Variants in ARNT2 observed in about 807,000 individuals in gnomAD.
ARNT2 encodes ARNT protein 2.
In ARNT2, 36 loss-of-function variants were observed where a neutral mutation model predicts 91.7. The observed-to-expected ratio is 0.39, with a 90% CI of 0.30 to 0.52. The LOEUF (loss-of-function observed/expected upper bound fraction) is 0.52. Among genes scored for constraint, ARNT2 ranks in the 20% least tolerant of loss-of-function variants. ARNT2 has a pLI of 0.72. For missense variants in ARNT2, 775 were observed against 939.3 expected (o/e 0.83, Z 2.29); for synonymous variants, 365 against 347.1 (o/e 1.05, Z -0.57).
At chr15:80,425,523 T>C (rs1174596961) in intron 1 of ARNT2, among the ~76,000 whole-genome samples, 1 of 152,228 alleles carries the variant, frequency 6.6e-6, no homozygotes, top group Non-Finnish European at 1.5e-5. Flanking sequence ...TAGAAATATC[T>C]GAATGTGTAA....
chr15:80,495,359 C>T (rs1429614602), intron 5 of ARNT2, among the ~76,000 whole-genome samples: 1 of 152,236 alleles, frequency 6.6e-6, no homozygotes, highest in Non-Finnish European at 1.5e-5. Context: ...CATGGCTGGA[C>T]ACTCAGGTTC....
At chr15:80,589,266 A>T (rs2141487373) in intron 17 of ARNT2, among the ~76,000 whole-genome samples, 1 of 151,658 alleles carries the variant, frequency 6.6e-6, no homozygotes, top group African/African-American at 2.4e-5. Flanking sequence ...AAGAATGGGC[A>T]CTCTTCAAAT....
intron 5 of ARNT2, among the ~76,000 whole-genome samples, chr15:80,495,357 G>T (rs1897112385): frequency 6.6e-6 from 1 of 152,224 alleles, no homozygotes; most frequent in African/African-American, 2.4e-5. Context: ...GACATGGCTG[G>T]ACACTCAGGT....
intron 10 of ARNT2, among the ~76,000 whole-genome samples, chr15:80,553,071 C>A (rs1898113146): frequency 1.3e-5 from 2 of 152,158 alleles, no homozygotes; most frequent in South Asian, 4.1e-4. Context: ...TATTAATATT[C>A]ATTACAAAGC....
chr15:80,585,370 A>C (rs1028895687), intron 17 of ARNT2, among the ~76,000 whole-genome samples: 1 of 152,220 alleles, frequency 6.6e-6, no homozygotes, highest in Non-Finnish European at 1.5e-5. Flanking sequence ...AAACCATGGC[A>C]GTAATTTAAA....
rs542392400 is a variant in ARNT2, at chr15:80,514,123, G to A, written c.791+147G>A. ...CAGGGTGGCAGTGGCAGAGATGAGA[G>A]AGAACAGGGAGTTGGGTGGAATTTA... On this transcript the variant is annotated intron_variant, in intron 7 of 18. Transcript: ENST00000303329. The A allele has an allele frequency of 4.0e-4, 380 of 961,782 alleles. 2 individuals are homozygous for A. In the South Asian group the frequency reaches 5.3e-3, roughly 13 times the overall value. 59.6% of individuals were successfully genotyped at this position (961,782 alleles called of 1,614,324 possible).
chr15:80,452,933 C>T (rs1317623043), intron 2 of ARNT2, among the ~76,000 whole-genome samples: 1 of 152,172 alleles, frequency 6.6e-6, no homozygotes, highest in Non-Finnish European at 1.5e-5. Flanking sequence ...GACCCAGTCC[C>T]ATTTCTTTTT....
intron 3 of ARNT2, among the ~76,000 whole-genome samples, chr15:80,468,018 G>T (rs574808899): frequency 1.3e-5 from 2 of 151,632 alleles, no homozygotes; most frequent in Non-Finnish European, 2.9e-5. Context: ...TGATTGCCCC[G>T]CCCCAACCCA....
chr15:80,493,654 G>C (rs1897086284), intron 5 of ARNT2, among the ~76,000 whole-genome samples: 1 of 152,064 alleles, frequency 6.6e-6, no homozygotes, highest in Admixed American at 6.6e-5. Context: ...TCTCTCTCCT[G>C]CTTGGAGTTT....
chr15:80,455,981 T>C (rs1896476097), intron 2 of ARNT2, among the ~76,000 whole-genome samples: 1 of 152,158 alleles, frequency 6.6e-6, no homozygotes, highest in African/African-American at 2.4e-5. Flanking sequence ...TTCCCCATGG[T>C]GAACACTAGG....
intron 12 of ARNT2, among the ~76,000 whole-genome samples, chr15:80,569,734 C>G (rs1444098030): frequency 6.6e-6 from 1 of 152,240 alleles, no homozygotes; most frequent in Admixed American, 6.5e-5. Flanking sequence ...GGCCTAATAC[C>G]AAGAACCCTT....
At chr15:80,532,922 T>G (rs577495102) in intron 8 of ARNT2, among the ~76,000 whole-genome samples, 8 of 152,282 alleles carry the variant, frequency 5.3e-5, no homozygotes, top group Admixed American at 1.3e-4. Context: ...GGAGATTGGG[T>G]AGACAGTGGT....
chr15:80,563,370 A>G, intron 12 of ARNT2, 131 bp downstream of exon 12: 1 of 1,192,886 alleles, frequency 8.4e-7, no homozygotes, highest in Non-Finnish European at 1.2e-6. Flanking sequence ...AGGATTAAGA[A>G]TAGAGGAGAC....
At position 80,596,828 on chromosome 15, in the gene ARNT2, A is replaced by C. The variant is rs770764936; in HGVS notation, c.*3130A>C. On this transcript the variant is annotated 3_prime_UTR_variant, in exon 19 of 19. Transcript: ENST00000303329. ...ACCCGGGCCGGCAGCAAGGACACAG[A>C]TGCAGCCACAGTAAGGCTCCATCAG... The C allele has an allele frequency of 1.4e-4, 40 of 284,030 alleles. 1 individual carries two copies. The highest frequency in any genetic ancestry group is 2.4e-4 in the Non-Finnish European group (34 of 142,830). The allele number at this position is 284,030 out of a possible 1,614,324, so 17.6% of individuals were successfully genotyped here.
intron 5 of ARNT2, among the ~76,000 whole-genome samples, chr15:80,493,063 C>T (rs921346577): frequency 1.3e-5 from 2 of 152,240 alleles, no homozygotes; most frequent in African/African-American, 2.4e-5. Context: ...GTTCTGACAT[C>T]TGGCAGGGGC....
At chr15:80,489,346 C>A (rs1211884631) in intron 5 of ARNT2, among the ~76,000 whole-genome samples, 1 of 152,162 alleles carries the variant, frequency 6.6e-6, no homozygotes, top group Admixed American at 6.5e-5. Context: ...CCAGTTTTCC[C>A]TTTATTTTTG....
At chr15:80,490,541 C>A (rs1232484170) in intron 5 of ARNT2, among the ~76,000 whole-genome samples, 1 of 152,254 alleles carries the variant, frequency 6.6e-6, no homozygotes, top group East Asian at 1.9e-4. Context: ...GCAGGCTGGC[C>A]ACCAGAGCAG....
At chr15:80,539,735 G>T (rs920250245) in intron 8 of ARNT2, among the ~76,000 whole-genome samples, 5 of 151,616 alleles carry the variant, frequency 3.3e-5, no homozygotes, top group Non-Finnish European at 4.4e-5. Context: ...AGTATGAAAT[G>T]GCCAAAAAAT....
At chr15:80,578,255 G>A (rs1281511963) in intron 15 of ARNT2, among the ~76,000 whole-genome samples, 1 of 152,168 alleles carries the variant, frequency 6.6e-6, no homozygotes, top group African/African-American at 2.4e-5. Flanking sequence ...ACCGGAGAAG[G>A]TCTGGCTGAC....
Sources: allele counts gnomAD v4.1 joint callset (sites outside exome capture counted in the v4.1 genomes callset), GRCh38; gene constraint gnomAD v4.1.1; transcripts MANE v1.5; gene names NCBI Gene and HGNC (gene_info 2026-07-23, HGNC 2026-07-21).